The following EYS variants were observed in gnomAD, a reference collection of about 807,000 sequenced individuals.
EYS encodes EGF-like photoreceptor maintenance factor, also known as protein eyes shut homolog.
In EYS, 250 loss-of-function variants were observed where a neutral mutation model predicts 282.1. The observed-to-expected ratio is 0.89, with a 90% CI of 0.80 to 0.98. The LOEUF (loss-of-function observed/expected upper bound fraction) is 0.98, where lower values mean the gene tolerates loss of function less well. Ranked by LOEUF, EYS falls within the 50% of genes least tolerant of loss-of-function variation. The probability of loss-of-function intolerance (pLI) is 0.00; values close to 1 mark genes in which losing one functional copy is unlikely to be tolerated. For missense variants in EYS, 4,016 were observed against 3,709.0 expected (o/e 1.08, Z -2.15); for synonymous variants, 1,355 against 1,282.9 (o/e 1.06, Z -1.20).
At chr6:64,781,837 C>CT (rs1160172288) in intron 22 of EYS, among the ~76,000 whole-genome samples, 3 of 152,142 alleles carry the variant, frequency 2.0e-5, no homozygotes, top group Admixed American at 6.5e-5. Flanking sequence ...ATAATGCCTG[C>CT]TATAAAACTG....
intron 5 of EYS, among the ~76,000 whole-genome samples, chr6:65,410,990 T>C (rs1016464826): frequency 6.6e-6 from 1 of 152,072 alleles, no homozygotes; most frequent in Non-Finnish European, 1.5e-5. Context: ...TTTCTAGATG[T>C]TAAGCAATTT....
chr6:64,049,244 C>A (rs1017262487), intron 33 of EYS, among the ~76,000 whole-genome samples: 4 of 152,178 alleles, frequency 2.6e-5, no homozygotes, highest in Admixed American at 6.6e-5. Flanking sequence ...CTAGATCCTA[C>A]AATTAACATT....
chr6:64,765,184 T>C (rs1266436819), intron 22 of EYS, among the ~76,000 whole-genome samples: 1 of 152,194 alleles, frequency 6.6e-6, no homozygotes, highest in East Asian at 1.9e-4. Context: ...TCATCTCAGG[T>C]TCAAAGTTCC....
intron 5 of EYS, among the ~76,000 whole-genome samples, chr6:65,449,826 TC>T (rs1253410678): frequency 1.3e-5 from 2 of 152,086 alleles, no homozygotes; most frequent in Non-Finnish European, 2.9e-5. Flanking sequence ...AGTAATTTCT[TC>T]CTTTAGCTGG....
intron 32 of EYS, among the ~76,000 whole-genome samples, chr6:64,075,977 G>T (rs532066526): frequency 2.0e-5 from 3 of 151,838 alleles, no homozygotes; most frequent in Non-Finnish European, 2.9e-5. Flanking sequence ...AAACATGGCC[G>T]TACTCATTCA....
chr6:64,783,251 T>C (rs1476949263), intron 22 of EYS, among the ~76,000 whole-genome samples: 1 of 152,064 alleles, frequency 6.6e-6, no homozygotes, highest in African/African-American at 2.4e-5. Context: ...TGTTATTCTC[T>C]TACTGTGCCT....
intron 14 of EYS, among the ~76,000 whole-genome samples, chr6:64,963,670 C>T (rs948695555): frequency 6.6e-6 from 1 of 152,084 alleles, no homozygotes; most frequent in Non-Finnish European, 1.5e-5. Context: ...TTTAGCTATT[C>T]GTAGTGATAG....
chr6:65,310,396 G>A (rs1769124779), intron 11 of EYS, among the ~76,000 whole-genome samples: 1 of 151,920 alleles, frequency 6.6e-6, no homozygotes, highest in South Asian at 2.1e-4. Context: ...TGGGATTAGT[G>A]GTGACCAGCT....
At chr6:64,993,391 G>A (rs553498131) in intron 14 of EYS, among the ~76,000 whole-genome samples, 3 of 151,742 alleles carry the variant, frequency 2.0e-5, no homozygotes, top group South Asian at 2.1e-4. Context: ...GGACTACTAC[G>A]CAGCCATAAA....
rs75830373 is a variant in EYS, at chr6:64,691,337, G to A, written c.3444-65092C>T. ...TTTGGATAAAAAGAAATAGAAATGC[G>A]TCTATACACAGAGAACAAGATTTAC... is the stretch of plus-strand genomic sequence containing the variant. On this transcript the variant is annotated intron_variant, in intron 22 of 42. Coordinates refer to ENST00000503581, the MANE Select transcript of EYS (RefSeq NM_001142800.2). 7.0e-3 allele frequency among the ~76,000 whole-genome samples: 1,064 copies of A among 152,190 alleles called. 5 individuals carry two copies. The highest frequency in any genetic ancestry group is 9.3e-3 in the Non-Finnish European group (630 of 68,016).
chr6:64,715,880 C>T (rs971449846), intron 22 of EYS, among the ~76,000 whole-genome samples: 1 of 152,120 alleles, frequency 6.6e-6, no homozygotes, highest in Non-Finnish European at 1.5e-5. Context: ...GTTTTGTCAC[C>T]CATTCTGTGC....
intron 9 of EYS, among the ~76,000 whole-genome samples, chr6:65,347,954 C>T (rs902374710): frequency 6.6e-6 from 1 of 151,612 alleles, no homozygotes; most frequent in African/African-American, 2.4e-5. Flanking sequence ...ATTTTAAGCT[C>T]CTACAAATAC....
chr6:63,775,004 T>A (rs1165742151), intron 40 of EYS, among the ~76,000 whole-genome samples: 3 of 152,178 alleles, frequency 2.0e-5, no homozygotes, highest in South Asian at 2.1e-4. Context: ...TGTAACCTTT[T>A]TTCTTTTTTA....
At chr6:64,588,740 T>C (rs896658954) in intron 26 of EYS, among the ~76,000 whole-genome samples, 1 of 152,052 alleles carries the variant, frequency 6.6e-6, no homozygotes, top group Non-Finnish European at 1.5e-5. Flanking sequence ...AGTTAGACTG[T>C]TTATTCGCTG....
intron 35 of EYS, among the ~76,000 whole-genome samples, chr6:63,883,132 A>T (rs757316197): frequency 6.6e-6 from 1 of 152,178 alleles, no homozygotes; most frequent in Non-Finnish European, 1.5e-5. Flanking sequence ...TAGCATTTAG[A>T]GCAATGGCTT....
intron 12 of EYS, among the ~76,000 whole-genome samples, chr6:65,138,944 C>T (rs1456297633): frequency 2.6e-5 from 4 of 152,022 alleles, no homozygotes; most frequent in Admixed American, 6.6e-5. Flanking sequence ...CAGACTCTGC[C>T]GAAGTTGTGG....
chr6:64,754,365 A>G (rs1772862339), intron 22 of EYS, among the ~76,000 whole-genome samples: 1 of 135,348 alleles, frequency 7.4e-6, no homozygotes, highest in Non-Finnish European at 1.6e-5. Context: ...ATCTCTCTGG[A>G]AAACCCAGGA....
intron 31 of EYS, among the ~76,000 whole-genome samples, chr6:64,104,726 T>TA: frequency 6.7e-6 from 1 of 148,918 alleles, no homozygotes; most frequent in East Asian, 2.0e-4. Context: ...AACTCACTTA[T>TA]AATATCTCTC....
At chr6:64,136,445 A>T (rs1264164676) in intron 31 of EYS, among the ~76,000 whole-genome samples, 1 of 152,132 alleles carries the variant, frequency 6.6e-6, no homozygotes, top group African/African-American at 2.4e-5. Context: ...TTTTTCCAGA[A>T]AATTTTCAAT....
Sources: gnomAD v4.1 joint callset for allele counts (sites outside exome capture counted in the v4.1 genomes callset) on GRCh38, gnomAD v4.1.1 for gene constraint, MANE v1.5 for transcripts, NCBI Gene and HGNC (gene_info 2026-07-23, HGNC 2026-07-21) for gene names.